Variants in CDC42BPA observed in about 807,000 individuals in gnomAD.
CDC42BPA encodes CDC42 binding protein kinase alpha.
A neutral mutation model predicts 223.5 loss-of-function variants in CDC42BPA; 80 were observed. The ratio of observed to expected loss-of-function variants is 0.36; its 90% CI spans 0.30 to 0.43. CDC42BPA has a LOEUF of 0.43. CDC42BPA is among the 20% of genes least tolerant of loss of function. The pLI, the probability that CDC42BPA is intolerant of heterozygous loss-of-function variation, is 1.00. For synonymous variants in CDC42BPA, 694 were observed against 718.6 expected, an observed-to-expected ratio of 0.97 and a Z score of 0.55; for missense variants, 1,743 against 2,099.9, an observed-to-expected ratio of 0.83 and a Z score of 3.32.
At chr1:227,132,947 C>T (rs1657543665) in intron 10 of CDC42BPA, among the ~76,000 whole-genome samples, 1 of 151,286 alleles carries the variant, frequency 6.6e-6, no homozygotes, top group African/African-American at 2.4e-5. Context: ...GCCGCCCTGT[C>T]TGAGAAGTGA....
chr1:227,310,303 C>T (rs1254472026), intron 1 of CDC42BPA, among the ~76,000 whole-genome samples: 1 of 152,206 alleles, frequency 6.6e-6, no homozygotes, highest in Admixed American at 6.5e-5. Context: ...CTTGCTCAAG[C>T]ATCTATTAAA....
chr1:227,041,273 A>C (rs1289106158), intron 23 of CDC42BPA, among the ~76,000 whole-genome samples: 3 of 152,134 alleles, frequency 2.0e-5, no homozygotes, highest in Admixed American at 6.6e-5. Flanking sequence ...CACAGTACCC[A>C]ATTTTTTAGC....
chr1:227,121,617 T>C (rs947567032), intron 11 of CDC42BPA, among the ~76,000 whole-genome samples: 6 of 152,278 alleles, frequency 3.9e-5, no homozygotes, highest in South Asian at 2.1e-4. Context: ...CTAAAAATCA[T>C]AGGGTGTTTA....
intron 23 of CDC42BPA, among the ~76,000 whole-genome samples, chr1:227,044,230 T>C (rs1671948896): frequency 6.6e-6 from 1 of 152,212 alleles, no homozygotes; most frequent in Non-Finnish European, 1.5e-5. Context: ...GTTTCTTATG[T>C]ATTTTAGAAA....
chr1:227,224,276 C>T (rs1676464854), intron 2 of CDC42BPA, among the ~76,000 whole-genome samples: 1 of 151,026 alleles, frequency 6.6e-6, no homozygotes, highest in Non-Finnish European at 1.5e-5. Context: ...TCTTGTTGCC[C>T]AGGCTGGAGT....
At chr1:227,115,393 CTTCTA>C (rs1385574605) in intron 12 of CDC42BPA, among the ~76,000 whole-genome samples, 2 of 151,782 alleles carry the variant, frequency 1.3e-5, no homozygotes, top group Non-Finnish European at 2.9e-5. Context: ...ACTTTTGTGC[CTTCTA>C]TAAGAGAGTC....
chr1:227,075,955 ATC>A (rs1373359015), intron 17 of CDC42BPA, among the ~76,000 whole-genome samples: 1 of 152,132 alleles, frequency 6.6e-6, no homozygotes, highest in East Asian at 1.9e-4. Context: ...TTATATGACA[ATC>A]TCTTTTTTCT....
intron 1 of CDC42BPA, among the ~76,000 whole-genome samples, chr1:227,292,045 C>T (rs1008431631): frequency 2.0e-5 from 3 of 151,680 alleles, no homozygotes; most frequent in Non-Finnish European, 2.9e-5. Flanking sequence ...TGCAGTGGTG[C>T]GATCTCGGCT....
chr1:227,147,592 T>C, intron 6 of CDC42BPA, 33 bp from the exon 7 acceptor site: 2 of 1,214,870 alleles, frequency 1.6e-6, no homozygotes, highest in East Asian at 2.6e-5. Context: ...TAATCTCCTA[T>C]ATTAGAAATA....
At chr1:227,106,443 T>C (rs1388548656) in intron 14 of CDC42BPA, among the ~76,000 whole-genome samples, 1 of 152,180 alleles carries the variant, frequency 6.6e-6, no homozygotes, top group African/African-American at 2.4e-5. Flanking sequence ...AGTTTTAATT[T>C]TGATAAAGCC....
At chr1:227,160,179 G>C (rs1336954963) in intron 6 of CDC42BPA, among the ~76,000 whole-genome samples, 1 of 152,156 alleles carries the variant, frequency 6.6e-6, no homozygotes, top group Non-Finnish European at 1.5e-5. Context: ...AAAAGTAAAA[G>C]TGCGGGCAAA....
At chr1:227,023,778 G>A (rs1398574002) in intron 31 of CDC42BPA, among the ~76,000 whole-genome samples, 1 of 152,160 alleles carries the variant, frequency 6.6e-6, no homozygotes, top group Non-Finnish European at 1.5e-5. Context: ...TGAGCAACTG[G>A]TTATACGGAA....
chr1:227,193,063 CTTTT>C (rs1160548241), intron 5 of CDC42BPA, among the ~76,000 whole-genome samples: 2 of 117,032 alleles, frequency 1.7e-5, no homozygotes, highest in African/African-American at 3.5e-5. Flanking sequence ...GAAGTGAGAA[CTTTT>C]TTTTTTTTTT....
chr1:227,011,678 C>T (rs944511022), intron 34 of CDC42BPA, among the ~76,000 whole-genome samples: 2 of 152,046 alleles, frequency 1.3e-5, no homozygotes, highest in African/African-American at 4.8e-5. Flanking sequence ...AAAAATCTTC[C>T]CTTCAATGTT....
At chr1:227,204,120 A>G (rs1264169166) in intron 3 of CDC42BPA, among the ~76,000 whole-genome samples, 2 of 152,210 alleles carry the variant, frequency 1.3e-5, no homozygotes, top group African/African-American at 4.8e-5. Flanking sequence ...TCTTTCTCTA[A>G]TATTTGAGGG....
At chr1:227,305,139 G>C (rs1043627100) in intron 1 of CDC42BPA, among the ~76,000 whole-genome samples, 2 of 152,066 alleles carry the variant, frequency 1.3e-5, no homozygotes, top group Non-Finnish European at 2.9e-5. Flanking sequence ...AAATATATGG[G>C]GATGACAGAG....
At chr1:227,031,640 G>A (rs1335754653) in intron 27 of CDC42BPA, 126 bp from the exon 28 acceptor site, 3 of 705,644 alleles carry the variant, frequency 4.3e-6, no homozygotes, top group African/African-American at 3.6e-5. Context: ...TACCATTACT[G>A]GAGTTCAGCT....
At chr1:227,264,669 A>C (rs1684678815) in intron 1 of CDC42BPA, 3 of 585,206 alleles carry the variant, frequency 5.1e-6, no homozygotes, top group East Asian at 2.9e-5. Context: ...CAGTTTTAAA[A>C]ATTTTTTAAT....
chr1:227,209,147 G>A (rs981307549), intron 3 of CDC42BPA, among the ~76,000 whole-genome samples: 1 of 135,028 alleles, frequency 7.4e-6, no homozygotes, highest in Admixed American at 7.4e-5. Context: ...TCATGATTTG[G>A]CTCTCTGTTT....
Sources: gnomAD v4.1 joint callset for allele counts (sites outside exome capture counted in the v4.1 genomes callset) on GRCh38, gnomAD v4.1.1 for gene constraint, MANE v1.5 for transcripts, NCBI Gene and HGNC (gene_info 2026-07-23, HGNC 2026-07-21) for gene names.